CFAP54: variants seen among roughly 807,000 people sequenced by gnomAD.
CFAP54 encodes cilia- and flagella-associated protein 54.
Under a neutral mutation model 370.4 loss-of-function variants are expected in CFAP54, and 290 were observed. The observed-to-expected ratio is 0.78, with a 90% confidence interval of 0.71 to 0.86. CFAP54 has a LOEUF of 0.86. CFAP54 is among the 40% of genes least tolerant of loss of function. CFAP54 has a pLI of 0.00. For missense variants in CFAP54, 3,399 were observed against 3,528.7 expected (o/e 0.96, Z 0.93); for synonymous variants, 1,206 against 1,236.5 (o/e 0.98, Z 0.52).
At chr12:96,727,699 G>A (rs576328021) in intron 50 of CFAP54, among the ~76,000 whole-genome samples, 18 of 151,846 alleles carry the variant, frequency 1.2e-4, no homozygotes, top group African/African-American at 4.1e-4. Flanking sequence ...ATTGTTATGT[G>A]TGAATTTGGT....
At chr12:96,789,301 G>A (rs567230987) in intron 62 of CFAP54, among the ~76,000 whole-genome samples, 8 of 152,338 alleles carry the variant, frequency 5.3e-5, no homozygotes, top group Middle Eastern at 3.4e-3. Flanking sequence ...AGGAGTGAGT[G>A]AGGACGTGAA....
chr12:96,775,394 A>C (rs1174279353), intron 60 of CFAP54, among the ~76,000 whole-genome samples: 1 of 152,116 alleles, frequency 6.6e-6, no homozygotes, highest in Non-Finnish European at 1.5e-5. Flanking sequence ...GCGCTACTGC[A>C]CTCCAGCCCA....
At chr12:96,525,941 C>T (rs1955376055) in intron 8 of CFAP54, among the ~76,000 whole-genome samples, 1 of 152,212 alleles carries the variant, frequency 6.6e-6, no homozygotes, top group South Asian at 2.1e-4. Context: ...CACCCGGCCT[C>T]CCAAAGTGCT....
intron 25 of CFAP54, among the ~76,000 whole-genome samples, chr12:96,595,839 C>T (rs1956172284): frequency 6.6e-6 from 1 of 152,142 alleles, no homozygotes; most frequent in African/African-American, 2.4e-5. Context: ...GATATCAGAC[C>T]TACTTTGGAG....
At position 96,691,241 on chromosome 12, in the gene CFAP54, C is replaced by T; in HGVS notation, c.6195C>T (p.Asp2065=). The T allele has an allele frequency of 1.2e-6, 2 of 1,612,632 alleles. No homozygotes were observed. Among genetic ancestry groups the T allele is most frequent in the Non-Finnish European group, 1.7e-6 (2 of 1,179,306 alleles). Residue 2065 remains aspartate (D), a synonymous_variant, in exon 44 of 68, where the codon GAC becomes GAT. Transcript: ENST00000524981. ...TCTTCTCAGATAGATACAGGGCTGA[C>T]ATTTGCTCTGTAATTGCAAGTCTGT... ...IELFSDRYRA[D]ICSVIASLYY...
chr12:96,541,851 C>T (rs1361193276), intron 14 of CFAP54, among the ~76,000 whole-genome samples: 4 of 151,768 alleles, frequency 2.6e-5, no homozygotes, highest in Admixed American at 6.6e-5. Flanking sequence ...TCTTTTTCTT[C>T]TTATCCTTAT....
chr12:96,782,257 A>G (rs925801220), intron 60 of CFAP54, among the ~76,000 whole-genome samples: 1 of 152,120 alleles, frequency 6.6e-6, no homozygotes, highest in African/African-American at 2.4e-5. Context: ...TATTCCCTTT[A>G]AAATCAAGAG....
chr12:96,846,240 A>G (rs1959340945), intron 66 of CFAP54, among the ~76,000 whole-genome samples: 1 of 152,198 alleles, frequency 6.6e-6, no homozygotes, highest in African/African-American at 2.4e-5. Context: ...TTTCTCTTAA[A>G]TACTTCGTCC....
chr12:96,659,393 C>T (rs1183511629), intron 38 of CFAP54, among the ~76,000 whole-genome samples: 2 of 152,126 alleles, frequency 1.3e-5, no homozygotes, highest in Non-Finnish European at 2.9e-5. Context: ...CTCAGCCTCC[C>T]AAAGTGCTGG....
At chr12:96,785,269 G>A (rs982186672) in intron 61 of CFAP54, among the ~76,000 whole-genome samples, 2 of 151,808 alleles carry the variant, frequency 1.3e-5, no homozygotes, top group Non-Finnish European at 2.9e-5. Flanking sequence ...ATGTCAGAGG[G>A]AAGAAATGCA....
intron 55 of CFAP54, among the ~76,000 whole-genome samples, chr12:96,746,900 A>G (rs1264930047): frequency 6.6e-6 from 1 of 152,148 alleles, no homozygotes; most frequent in Non-Finnish European, 1.5e-5. Context: ...AACTCTGTCC[A>G]TTCTTCAGAT....
intron 39 of CFAP54, among the ~76,000 whole-genome samples, chr12:96,665,248 G>A (rs141686495): frequency 5.3e-4 from 81 of 151,766 alleles, no homozygotes; most frequent in South Asian, 1.9e-3. Flanking sequence ...TGGAAAAATT[G>A]TCTCCCACCA....
In CFAP54 at chr12:96,524,743, G is replaced by A. The variant is rs146979102; in HGVS notation, c.1159-2503G>A. On this transcript the variant is annotated intron_variant, in intron 8 of 67. Coordinates refer to ENST00000524981, the MANE Select transcript of CFAP54 (RefSeq NM_001306084.2). ...AAATTAACATAATACATCTCCTAGA[G>A]TAGATGTCATGGAGACTGTAGTATT... Among the ~76,000 whole-genome samples the A allele has an allele frequency of 5.1e-3, 780 of 152,298 alleles. 11 individuals are homozygous for A. The highest frequency in any genetic ancestry group is 0.018 in the African/African-American group (736 of 41,558).
At chr12:96,683,459 A>T (rs921581694) in intron 40 of CFAP54, among the ~76,000 whole-genome samples, 1 of 152,260 alleles carries the variant, frequency 6.6e-6, no homozygotes, top group African/African-American at 2.4e-5. Flanking sequence ...TTCAGAAATC[A>T]TGTACATTTA....
chr12:96,752,467 G>T (rs1565965313), intron 55 of CFAP54, among the ~76,000 whole-genome samples: 1 of 152,144 alleles, frequency 6.6e-6, no homozygotes, highest in Non-Finnish European at 1.5e-5. Flanking sequence ...ACTTCAGCTA[G>T]AATTCAGTAT....
At chr12:96,671,930 G>A (rs1011970663) in intron 39 of CFAP54, among the ~76,000 whole-genome samples, 4 of 146,522 alleles carry the variant, frequency 2.7e-5, no homozygotes, top group African/African-American at 1.0e-4. Context: ...TCTCAAAAAA[G>A]AGAGAGAGAG....
At position 96,783,171 on chromosome 12, in the gene CFAP54, G is replaced by A. The variant is rs913845227; in HGVS notation, c.8282-1546G>A. Among the ~76,000 whole-genome samples the A allele has an allele frequency of 2.6e-5, 4 of 152,294 alleles. No homozygotes were observed. In the East Asian group the frequency reaches 7.7e-4, roughly 29 times the overall value. ...ATGTTATGTAATATATATGTTTAAA[G>A]AGTGAAGGACAGATATGGGATTAGT... On this transcript the variant is annotated intron_variant, in intron 60 of 67. Transcript: ENST00000524981.
chr12:96,502,705 G>T (rs79017877), intron 2 of CFAP54, among the ~76,000 whole-genome samples: 12 of 152,220 alleles, frequency 7.9e-5, no homozygotes, highest in Admixed American at 4.6e-4. Flanking sequence ...ATGAAGTTGT[G>T]GGGGAGGGAG....
rs1955531113 is a variant in CFAP54 at position 96,538,384 on chromosome 12, G to T, written c.1792G>T (p.Asp598Tyr). The change falls in exon 13 of 68, where the codon GAT (aspartate) becomes TAT (tyrosine). Residue 598 changes from aspartate (D) to tyrosine (Y), a missense_variant and splice_region_variant. Around this residue, in one of 3 missense-constraint regions of CFAP54, gnomAD observed 2,796 missense variants for 2,869.7 expected, o/e 0.97. Transcript: ENST00000524981. ...TTTACCTTCTCACTTTTGTTTTTAG[G>T]ATGTTCAACCTGATAAAGAAATTGT... is the stretch of plus-strand genomic sequence containing the variant. ...LYVCVCTAPQ[D>Y]VQPDKEIVVD... The T allele has an allele frequency of 4.6e-6, 7 of 1,531,980 alleles. No individual in the cohort carries two copies. In the African/African-American group the frequency reaches 6.9e-5, roughly 15 times the overall value. The allele number at this position is 1,531,980 out of a possible 1,614,324, so 94.9% of individuals were successfully genotyped here. A position where few individuals can be genotyped will look rare whatever the true frequency, so the allele number is the denominator to read the frequency against.
Sources: gnomAD v4.1 joint callset for allele counts (sites outside exome capture counted in the v4.1 genomes callset) on GRCh38, gnomAD v4.1.1 for gene constraint, gnomAD v4.1.1 regional missense constraint, MANE v1.5 for transcripts, NCBI Gene and HGNC (gene_info 2026-07-23, HGNC 2026-07-21) for gene names.